Variants in TMEM132B observed in about 807,000 individuals in gnomAD.
The protein encoded by TMEM132B is transmembrane protein 132B.
TMEM132B carries 18 observed loss-of-function variants against 90.8 expected under a neutral mutation model. That is an observed-to-expected ratio of 0.20 (90% CI 0.14 to 0.29). The LOEUF is 0.29. TMEM132B is among the 10% of genes least tolerant of loss of function. The pLI is 1.00. For missense variants in TMEM132B, 1,096 were observed against 1,326.8 expected (o/e 0.83, Z 2.70); for synonymous variants, 504 against 523.3 (o/e 0.96, Z 0.50).
intron 1 of TMEM132B, among the ~76,000 whole-genome samples, chr12:125,296,188 A>G (rs1030290401): frequency 6.6e-6 from 1 of 152,210 alleles, no homozygotes; most frequent in African/African-American, 2.4e-5. Context: ...CCCACGGCCC[A>G]GTACAGCGTG....
At chr12:125,344,697 G>T (rs1877301199) in intron 1 of TMEM132B, among the ~76,000 whole-genome samples, 1 of 152,162 alleles carries the variant, frequency 6.6e-6, no homozygotes, top group African/African-American at 2.4e-5. Flanking sequence ...ACATTGGCAT[G>T]AGTGGAATGG....
At chr12:125,240,453 C>T (rs569835571) in intron 1 of TMEM132B, among the ~76,000 whole-genome samples, 34 of 152,130 alleles carry the variant, frequency 2.2e-4, no homozygotes, top group Non-Finnish European at 4.0e-4. Context: ...TGCTAAGCTT[C>T]CTTGCAAGTA....
At position 125,414,353 on chromosome 12, in the gene TMEM132B, GATTA is replaced by G. The variant is rs1404252574; in HGVS notation, c.960-1171_960-1168del. ...TAGACCTGCTGCTATGTGTGGATTT[GATTA>G]ATTAATCTTGGAGGTAATCTTTGCT... On this transcript the variant is annotated intron_variant, in intron 2 of 8. Transcript: ENST00000682704. 2.6e-5 allele frequency among the ~76,000 whole-genome samples: 4 copies of G among 151,762 alleles called. No homozygotes were observed. In the East Asian group the frequency reaches 7.7e-4, roughly 29 times the overall value.
intron 1 of TMEM132B, among the ~76,000 whole-genome samples, chr12:125,279,260 A>G (rs143315387): frequency 2.9e-4 from 44 of 152,338 alleles, no homozygotes; most frequent in African/African-American, 1.0e-3. Flanking sequence ...AAGGGTATGC[A>G]TAGAAAAATA....
chr12:125,480,955 A>C (rs1882022643), intron 3 of TMEM132B, among the ~76,000 whole-genome samples: 1 of 152,232 alleles, frequency 6.6e-6, no homozygotes, highest in African/African-American at 2.4e-5. Context: ...CTGGTTCAAC[A>C]TATGCAAATC....
intron 4 of TMEM132B, among the ~76,000 whole-genome samples, chr12:125,575,078 A>ATATATATATATATATATATATATT (rs1311570495): frequency 7.3e-5 from 8 of 108,976 alleles, no homozygotes; most frequent in African/African-American, 2.4e-4. Flanking sequence ...ATATATATAT[A>ATATATATATATATATATATATATT]TATATTCAGG....
At chr12:125,560,756 C>T (rs887704854) in intron 4 of TMEM132B, among the ~76,000 whole-genome samples, 15 of 130,102 alleles carry the variant, frequency 1.2e-4, no homozygotes, top group African/African-American at 3.1e-4. Context: ...ACCAGGGAAG[C>T]GGAGCTTGCA....
At chr12:125,383,608 T>C (rs1878744984) in intron 2 of TMEM132B, among the ~76,000 whole-genome samples, 1 of 152,260 alleles carries the variant, frequency 6.6e-6, no homozygotes, top group East Asian at 1.9e-4. Flanking sequence ...TCATTACTAC[T>C]GTTCAATCCC....
chr12:125,295,385 C>G (rs1472562975), intron 1 of TMEM132B, among the ~76,000 whole-genome samples: 1 of 152,082 alleles, frequency 6.6e-6, no homozygotes, highest in Admixed American at 6.5e-5. Context: ...GGGGCAGGAG[C>G]TGGAAGGGAA....
chr12:125,659,520 T>G lies in TMEM132B; in HGVS notation c.*4810T>G, dbSNP rs1427974396. On this transcript the variant is annotated 3_prime_UTR_variant, in exon 9 of 9. Transcript: ENST00000682704. Reference sequence around the variant, plus strand: ...AGAAAACCACAGGACAGGCGGGGATTCTTTTTGAGAGGCTGAAGTAGATGT... The same window carrying G: ...AGAAAACCACAGGACAGGCGGGGATGCTTTTTGAGAGGCTGAAGTAGATGT... 6.6e-6 allele frequency: 1 copy of G among 152,316 alleles called. No homozygotes were observed. Among genetic ancestry groups the G allele is most frequent in the African/African-American group, 2.4e-5 (1 of 41,436 alleles). 9.4% of individuals were successfully genotyped at this position (152,316 alleles called of 1,614,324 possible). A position where few individuals can be genotyped will look rare whatever the true frequency, so the allele number is the denominator to read the frequency against.
intron 3 of TMEM132B, among the ~76,000 whole-genome samples, chr12:125,487,619 G>C (rs1239100347): frequency 6.6e-6 from 1 of 152,190 alleles, no homozygotes; most frequent in Non-Finnish European, 1.5e-5. Context: ...GGCCAGGACT[G>C]GATGTGGCTT....
intron 2 of TMEM132B, among the ~76,000 whole-genome samples, chr12:125,389,057 A>ACAC (rs1593118063): frequency 1.7e-5 from 2 of 119,552 alleles, no homozygotes; most frequent in Non-Finnish European, 3.8e-5. Flanking sequence ...CACACACACA[A>ACAC]ACACACAAGA....
At chr12:125,368,665 T>C (rs1878203203) in intron 2 of TMEM132B, among the ~76,000 whole-genome samples, 1 of 152,216 alleles carries the variant, frequency 6.6e-6, no homozygotes, top group African/African-American at 2.4e-5. Context: ...TGTCAGAGGC[T>C]GCGTATCCTC....
intron 6 of TMEM132B, among the ~76,000 whole-genome samples, chr12:125,646,579 A>C (rs968645444): frequency 1.3e-5 from 2 of 152,212 alleles, no homozygotes; most frequent in Non-Finnish European, 2.9e-5. Context: ...GAGGGATTCA[A>C]GTGGGATTCC....
chr12:125,596,088 A>G (rs1885433181), intron 5 of TMEM132B, among the ~76,000 whole-genome samples: 1 of 152,186 alleles, frequency 6.6e-6, no homozygotes, highest in Non-Finnish European at 1.5e-5. Flanking sequence ...TTGTACTAAC[A>G]GAGATGTGAT....
intron 4 of TMEM132B, among the ~76,000 whole-genome samples, chr12:125,574,619 T>G (rs1884889179): frequency 6.6e-6 from 1 of 152,122 alleles, no homozygotes; most frequent in Admixed American, 6.6e-5. Context: ...TGTCAATATT[T>G]AGGGCTGCTC....
rs1236145002 is a variant in TMEM132B, at chr12:125,407,205, C to T, written c.960-8326C>T. 6.6e-6 allele frequency among the ~76,000 whole-genome samples: 1 copy of T among 152,210 alleles called. No individual in the cohort carries two copies. The highest frequency in any genetic ancestry group is 1.5e-5 in the Non-Finnish European group (1 of 68,040). ...GGCATGGCCCAAGACCTCAGGTAAA[C>T]AAAGACACTCTTATCAGGCAAGAAA... is the stretch of plus-strand genomic sequence containing the variant. On this transcript the variant is annotated intron_variant, in intron 2 of 8. Transcript: ENST00000682704. The surrounding 1 kb of genome is among the most constrained non-coding windows in gnomAD (Gnocchi z 6.7).
chr12:125,192,209 A>G (rs1256922662), intron 1 of TMEM132B, among the ~76,000 whole-genome samples: 4 of 152,212 alleles, frequency 2.6e-5, no homozygotes, highest in African/African-American at 4.8e-5. Flanking sequence ...CCCATTTTAC[A>G]GATACGCAAA....
chr12:125,355,028 ATG>A (rs1455851894), intron 2 of TMEM132B, among the ~76,000 whole-genome samples: 1 of 151,744 alleles, frequency 6.6e-6, no homozygotes, highest in Non-Finnish European at 1.5e-5. Context: ...GCAGGCCTGC[ATG>A]TGTGAGTTGA....
Sources: allele counts gnomAD v4.1 joint callset (sites outside exome capture counted in the v4.1 genomes callset), GRCh38; gene constraint gnomAD v4.1.1; non-coding constraint Gnocchi (gnomAD v3.1); transcripts MANE v1.5; gene names NCBI Gene and HGNC (gene_info 2026-07-23, HGNC 2026-07-21).